Variants in USP32 observed in about 807,000 individuals in gnomAD.
The protein encoded by USP32 is ubiquitin carboxyl-terminal hydrolase 32.
A neutral mutation model predicts 204.8 loss-of-function variants in USP32; 59 were observed. That is an observed-to-expected ratio of 0.29 (90% confidence interval 0.23 to 0.36). The LOEUF (loss-of-function observed/expected upper bound fraction) is 0.36, where lower values mean the gene tolerates loss of function less well. USP32 is among the 10% of genes least tolerant of loss of function. USP32 has a pLI of 1.00. For missense variants in USP32, 1,160 were observed against 1,946.4 expected, an observed-to-expected ratio of 0.60 and a Z score of 7.60; for synonymous variants, 517 against 678.4, an observed-to-expected ratio of 0.76 and a Z score of 3.70.
At position 60,219,739 on chromosome 17, in the gene USP32, G is replaced by A. The variant is rs746859349; in HGVS notation, c.1798C>T (p.Arg600Cys). ...TGCTGTCTCAGGAAGAGAAGATAGC[G>A]GGGAAATAATTCCAGCTCTGGGATG... ...TDIPELELFPRYLLFLRQQPA... is the reference protein window; with the variant it reads ...TDIPELELFPCYLLFLRQQPA... Residue 600 changes from arginine to cysteine, a missense_variant, in exon 16 of 34, where the codon CGC (arginine) becomes TGC (cysteine). By Grantham distance (180) the Arg-to-Cys change is radical (BLOSUM62 -3). Coordinates refer to ENST00000300896, the MANE Select transcript of USP32 (RefSeq NM_032582.4). The A allele has an allele frequency of 1.8e-5, 29 of 1,612,766 alleles. No homozygotes were observed. Among genetic ancestry groups the A allele is most frequent in the South Asian group, 3.3e-5 (3 of 90,952 alleles).
intron 5 of USP32, 89 bp from the exon 6 acceptor site, chr17:60,271,570 T>C: frequency 1.5e-6 from 2 of 1,303,512 alleles, no homozygotes; most frequent in African/African-American, 1.5e-5. Context: ...TCCACAGATA[T>C]ATTTTAGTTT....
At chr17:60,323,073 T>G (rs1446522927) in intron 2 of USP32, among the ~76,000 whole-genome samples, 1 of 152,178 alleles carries the variant, frequency 6.6e-6, no homozygotes, top group Non-Finnish European at 1.5e-5. Context: ...GCAGCCACTT[T>G]GGAAAATAGT....
At chr17:60,212,814 T>C (rs2085005550) in intron 18 of USP32, among the ~76,000 whole-genome samples, 1 of 152,084 alleles carries the variant, frequency 6.6e-6, no homozygotes, top group African/African-American at 2.4e-5. Context: ...AGTGCAGTGA[T>C]GTGATCTTGA....
intron 9 of USP32, 65 bp downstream of exon 9, chr17:60,265,347 G>A (rs890912187): frequency 1.4e-5 from 16 of 1,136,616 alleles, no homozygotes; most frequent in East Asian, 2.5e-5. Context: ...GTATATAAGC[G>A]ATACATCCCA....
At chr17:60,222,376 C>A in intron 15 of USP32, 33 bp downstream of exon 15, 2 of 1,597,448 alleles carry the variant, frequency 1.3e-6, no homozygotes, top group Non-Finnish European at 1.7e-6. Context: ...TCTATGACTG[C>A]TCCTTATATA....
At chr17:60,389,831 A>T (rs573519572) in intron 1 of USP32, among the ~76,000 whole-genome samples, 1 of 151,836 alleles carries the variant, frequency 6.6e-6, no homozygotes, top group Non-Finnish European at 1.5e-5. Context: ...CCCGGCTAAC[A>T]CGGTGAAACC....
chr17:60,350,798 C>T (rs1281463452), intron 1 of USP32, among the ~76,000 whole-genome samples: 2 of 152,064 alleles, frequency 1.3e-5, no homozygotes, highest in East Asian at 3.9e-4. Flanking sequence ...GTATAATGTA[C>T]CCTACTCGGG....
chr17:60,181,263 C>T (rs1464868141), intron 32 of USP32, 61 bp downstream of exon 32: 41 of 1,544,216 alleles, frequency 2.7e-5, no homozygotes, highest in Non-Finnish European at 3.2e-5. Flanking sequence ...CTGATGAATA[C>T]ATGAAGACAA....
chr17:60,190,626 G>A lies in USP32; in HGVS notation c.3579C>T (p.Ala1193=), dbSNP rs767262696. 1.2e-6 allele frequency: 2 copies of A among 1,606,272 alleles called. No homozygotes were observed. The highest frequency in any genetic ancestry group is 1.7e-6 in the Non-Finnish European group (2 of 1,178,006). Reference sequence around the variant, plus strand: ...TGGGATCCCAATCCACAGCGATATAGGCATTTCCAATGAAAGCTCTGTCTT... The same window carrying A: ...TGGGATCCCAATCCACAGCGATATAAGCATTTCCAATGAAAGCTCTGTCTT... ...CGEDRAFIGN[A]YIAVDWDPTA... The change falls in exon 29 of 34, where the codon GCC becomes GCT. Residue 1193 remains alanine, a synonymous_variant. Coordinates refer to ENST00000300896, the MANE Select transcript of USP32 (RefSeq NM_032582.4).
At chr17:60,298,109 G>A (rs571285544) in intron 3 of USP32, among the ~76,000 whole-genome samples, 10 of 148,804 alleles carry the variant, frequency 6.7e-5, no homozygotes, top group African/African-American at 2.3e-4. Flanking sequence ...AGTAAACATC[G>A]GGCCTAACTG....
rs1348199021 is a variant in USP32, at chr17:60,326,309, CT to C, written c.186+19171del. The stretch of plus-strand genomic sequence containing the variant: ...CTTATTTGACACCATGGTTTGTTTT[CT>C]TTTTTTTTTTTCCTTTTGAGACAGA... On this transcript the variant is annotated intron_variant, in intron 2 of 33. Coordinates refer to ENST00000300896, the MANE Select transcript of USP32 (RefSeq NM_032582.4). 2.4e-3 allele frequency among the ~76,000 whole-genome samples: 352 copies of C among 144,726 alleles called. 1 individual carries two copies. Among genetic ancestry groups the C allele is most frequent in the Middle Eastern group, 7.3e-3 (2 of 274 alleles). 94.9% of individuals were successfully genotyped at this position (144,726 alleles called of 152,430 possible).
intron 27 of USP32, among the ~76,000 whole-genome samples, chr17:60,195,342 ACT>A (rs929596464): frequency 6.6e-6 from 1 of 151,472 alleles, no homozygotes; most frequent in African/African-American, 2.4e-5. Flanking sequence ...TCTCAATCTT[ACT>A]CTCTCTCTTT....
chr17:60,275,555 A>G (rs2086819703), intron 5 of USP32, among the ~76,000 whole-genome samples: 1 of 152,194 alleles, frequency 6.6e-6, no homozygotes, highest in Non-Finnish European at 1.5e-5. Context: ...GCTAACTGTG[A>G]TAAAAGATAA....
chr17:60,280,154 T>C (rs994618802), intron 5 of USP32, among the ~76,000 whole-genome samples: 4 of 152,120 alleles, frequency 2.6e-5, no homozygotes, highest in African/African-American at 9.7e-5. Context: ...TGGAGTGCAA[T>C]GGCACGGTCT....
chr17:60,193,710 T>C (rs1195901872), intron 27 of USP32, among the ~76,000 whole-genome samples: 1 of 152,200 alleles, frequency 6.6e-6, no homozygotes, highest in Non-Finnish European at 1.5e-5. Flanking sequence ...ATCTGGCAAC[T>C]GACAGTGGTT....
chr17:60,238,803 CAAAA>C (rs562875704), intron 11 of USP32, among the ~76,000 whole-genome samples: 3 of 95,754 alleles, frequency 3.1e-5, no homozygotes, highest in African/African-American at 3.9e-5. Context: ...GACTCCATCT[CAAAA>C]AAAAAAAAAA....
chr17:60,241,412 T>C (rs1293931859), intron 11 of USP32, among the ~76,000 whole-genome samples: 2 of 151,278 alleles, frequency 1.3e-5, no homozygotes, highest in South Asian at 4.1e-4. Context: ...CAAATATATA[T>C]ACAGGCTTTT....
intron 33 of USP32, among the ~76,000 whole-genome samples, chr17:60,180,001 T>C (rs948630614): frequency 2.4e-4 from 37 of 151,628 alleles, no homozygotes; most frequent in African/African-American, 8.0e-4. Context: ...GTCTAGAAGA[T>C]AGGAGTTTTT....
At chr17:60,198,544 TTTCAA>T in intron 26 of USP32, 100 bp from the exon 27 acceptor site, 2 of 1,385,376 alleles carry the variant, frequency 1.4e-6, no homozygotes, top group Admixed American at 2.2e-5. Flanking sequence ...ACTATCACCA[TTTCAA>T]ATCAGTCACT....
Sources: allele counts gnomAD v4.1 joint callset (sites outside exome capture counted in the v4.1 genomes callset), GRCh38; gene constraint gnomAD v4.1.1; transcripts MANE v1.5; gene names NCBI Gene and HGNC (gene_info 2026-07-23, HGNC 2026-07-21).